Variants in ATP13A3 observed in about 807,000 individuals in gnomAD.
The protein encoded by ATP13A3 is ATPase 13A3.
In ATP13A3, 59 loss-of-function variants were observed where a neutral mutation model predicts 158.1. The ratio of observed to expected loss-of-function variants is 0.37; its 90% CI spans 0.30 to 0.46. The LOEUF (loss-of-function observed/expected upper bound fraction) is 0.46. Among genes scored for constraint, ATP13A3 ranks in the 20% least tolerant of loss-of-function variants. The probability of loss-of-function intolerance (pLI) is 1.00; values close to 1 mark genes in which losing one functional copy is unlikely to be tolerated. For synonymous variants in ATP13A3, 491 were observed against 504.3 expected (o/e 0.97, Z 0.35); for missense variants, 1,166 against 1,525.2 (o/e 0.76, Z 3.92).
In ATP13A3 at chr3:194,428,934, A is replaced by T; in HGVS notation, c.2875-17T>A. 1.3e-6 allele frequency: 2 copies of T among 1,501,942 alleles called. No homozygotes were observed. The highest frequency in any genetic ancestry group is 2.4e-5 in the South Asian group (2 of 82,592). 93.0% of individuals were successfully genotyped at this position (1,501,942 alleles called of 1,614,324 possible). A position where few individuals can be genotyped will look rare whatever the true frequency, so the allele number is the denominator to read the frequency against. ...ACTTAAGATCTACAGAAGTAATTTT[A>T]AAAACATTATTAGTTTTTGGGAATT... On this transcript the variant is annotated splice_polypyrimidine_tract_variant and intron_variant, in intron 27 of 33. Coordinates refer to ENST00000645319, the MANE Select transcript of ATP13A3 (RefSeq NM_001367549.1).
intron 2 of ATP13A3, among the ~76,000 whole-genome samples, chr3:194,483,206 C>T (rs577285794): frequency 6.6e-6 from 1 of 151,982 alleles, no homozygotes; most frequent in Admixed American, 6.5e-5. Context: ...GTCGCCTGAG[C>T]CCAGGAACTC....
chr3:194,459,277 G>A, intron 6 of ATP13A3, 194 bp downstream of exon 6: 3 of 546,504 alleles, frequency 5.5e-6, no homozygotes, highest in Non-Finnish European at 6.6e-6. Flanking sequence ...CTGCCATGGT[G>A]CAAGCTGCGG....
At chr3:194,477,685 G>A (rs982880395) in intron 2 of ATP13A3, among the ~76,000 whole-genome samples, 2 of 152,182 alleles carry the variant, frequency 1.3e-5, no homozygotes, top group Admixed American at 6.5e-5. Context: ...AATTTTAAAA[G>A]AAGTATGGAG....
chr3:194,409,219 A>G (rs571437440), intron 33 of ATP13A3, among the ~76,000 whole-genome samples: 46 of 152,354 alleles, frequency 3.0e-4, no homozygotes, highest in African/African-American at 1.0e-3. Context: ...TATATAAAAC[A>G]GAATGCCATG....
At chr3:194,409,284 C>G (rs1715177594) in intron 33 of ATP13A3, among the ~76,000 whole-genome samples, 1 of 152,168 alleles carries the variant, frequency 6.6e-6, no homozygotes, top group South Asian at 2.1e-4. Context: ...TTCTTCCATA[C>G]CAATCCTGAA....
intron 2 of ATP13A3, among the ~76,000 whole-genome samples, chr3:194,483,434 A>AAAAAAAAAAC (rs1720838739): frequency 1.3e-5 from 2 of 151,230 alleles, no homozygotes; most frequent in African/African-American, 2.4e-5. Flanking sequence ...TACAAAAAAA[A>AAAAAAAAAAC]AAAAAACTAG....
chr3:194,421,574 T>C (rs912603694), intron 30 of ATP13A3, among the ~76,000 whole-genome samples: 1 of 135,830 alleles, frequency 7.4e-6, no homozygotes, highest in Non-Finnish European at 1.6e-5. Context: ...AAAAAAAAAG[T>C]GGGACTCATA....
At chr3:194,460,583 A>G (rs1409221174) in intron 4 of ATP13A3, 75 bp downstream of exon 4, 2 of 1,436,550 alleles carry the variant, frequency 1.4e-6, no homozygotes, top group Non-Finnish European at 9.5e-7. Context: ...TTCATCTATT[A>G]TTTCGAATAA....
At chr3:194,449,031 C>T (rs1041495783) in intron 11 of ATP13A3, among the ~76,000 whole-genome samples, 5 of 147,136 alleles carry the variant, frequency 3.4e-5, no homozygotes, top group African/African-American at 5.1e-5. Flanking sequence ...GAGGGCCTAC[C>T]CCGATCCACC....
At chr3:194,478,295 A>G (rs1720610175) in intron 2 of ATP13A3, among the ~76,000 whole-genome samples, 2 of 151,914 alleles carry the variant, frequency 1.3e-5, no homozygotes, top group Admixed American at 6.6e-5. Flanking sequence ...AGGCTAGACA[A>G]ATAAGTAAGC....
intron 6 of ATP13A3, chr3:194,459,254 T>G (rs990162373): frequency 2.0e-5 from 10 of 504,408 alleles, no homozygotes; most frequent in Non-Finnish European, 3.6e-5. Context: ...TGACTCTAAG[T>G]TTCATGTAAA....
chr3:194,419,728 G>A, intron 31 of ATP13A3, 151 bp downstream of exon 31: 1 of 1,285,884 alleles, frequency 7.8e-7, no homozygotes, highest in Non-Finnish European at 1.0e-6. Flanking sequence ...AAGAAAAGCT[G>A]CTATTTTCAT....
At chr3:194,428,761 T>C in intron 28 of ATP13A3, 84 bp downstream of exon 28, 2 of 921,656 alleles carry the variant, frequency 2.2e-6, no homozygotes, top group Non-Finnish European at 3.4e-6. Flanking sequence ...ATGTTACAAT[T>C]GTTGATGTAA....
chr3:194,487,587 G>A, upstream of ATP13A3: 1 of 152,400 alleles, frequency 6.6e-6, no homozygotes, highest in East Asian at 1.9e-4. Flanking sequence ...CCCGCGCCTC[G>A]CCTCCGACGG....
At chr3:194,492,723 TG>T (rs1223522341) in intron 2 of ATP13A3, among the ~76,000 whole-genome samples, 4 of 152,218 alleles carry the variant, frequency 2.6e-5, no homozygotes, top group Admixed American at 6.5e-5. Flanking sequence ...CCAAAAGTGC[TG>T]GGATTACAGG....
At chr3:194,468,867 T>TA (rs531512347) in intron 2 of ATP13A3, among the ~76,000 whole-genome samples, 1 of 152,086 alleles carries the variant, frequency 6.6e-6, no homozygotes, top group South Asian at 2.1e-4. Context: ...AGTACTGAAG[T>TA]AAAAAACTAA....
chr3:194,447,820 T>C, intron 13 of ATP13A3, 32 bp downstream of exon 13: 2 of 1,559,690 alleles, frequency 1.3e-6, no homozygotes, highest in Non-Finnish European at 1.8e-6. Flanking sequence ...ATAATTGAGG[T>C]TCAAACCCTA....
At position 194,402,844 on chromosome 3, in the gene ATP13A3, G is replaced by A. The variant is rs895906988; in HGVS notation, c.*3075C>T. ...AATATAAAGATGCAGTATCATTTCTGATATAAAGTTACTTAAAAAAATCCA... is the reference window on the plus strand; with the variant it reads ...AATATAAAGATGCAGTATCATTTCTAATATAAAGTTACTTAAAAAAATCCA... On this transcript the variant is annotated 3_prime_UTR_variant, in exon 34 of 34. Transcript: ENST00000645319. The A allele has an allele frequency of 3.9e-5, 6 of 152,192 alleles. No homozygotes were observed. Among genetic ancestry groups the A allele is most frequent in the African/African-American group, 1.2e-4 (5 of 41,530 alleles). The allele number at this position is 152,192 out of a possible 1,614,324, so 9.4% of individuals were successfully genotyped here. A position where few individuals can be genotyped will look rare whatever the true frequency, so the allele number is the denominator to read the frequency against.
intron 2 of ATP13A3, among the ~76,000 whole-genome samples, chr3:194,483,323 T>C (rs1278845370): frequency 6.7e-6 from 1 of 148,572 alleles, no homozygotes; most frequent in East Asian, 2.0e-4. Flanking sequence ...GGTGCAGTGA[T>C]AAATGCCTGT....
Sources: gnomAD v4.1 joint callset for allele counts (sites outside exome capture counted in the v4.1 genomes callset) on GRCh38, gnomAD v4.1.1 for gene constraint, MANE v1.5 for transcripts, NCBI Gene and HGNC (gene_info 2026-07-23, HGNC 2026-07-21) for gene names.